The following PPP4R3B variants were observed in gnomAD, a reference collection of about 807,000 sequenced individuals.
PPP4R3B encodes the protein serine/threonine-protein phosphatase 4 regulatory subunit 3B.
PPP4R3B carries 52 observed loss-of-function variants against 95.4 expected under a neutral mutation model. The ratio of observed to expected loss-of-function variants is 0.54; its 90% CI spans 0.44 to 0.69. The LOEUF (loss-of-function observed/expected upper bound fraction) is 0.69, where lower values mean the gene tolerates loss of function less well. Among genes scored for constraint, PPP4R3B ranks in the 30% least tolerant of loss-of-function variants. The probability of loss-of-function intolerance (pLI) is 0.00; values close to 1 mark genes in which losing one functional copy is unlikely to be tolerated. For missense variants in PPP4R3B, 1,003 were observed against 1,005.9 expected (o/e 1.00, Z 0.04); for synonymous variants, 407 against 343.9 (o/e 1.18, Z -2.03).
chr2:55,605,319 T>C (rs1350524463), intron 2 of PPP4R3B, among the ~76,000 whole-genome samples: 1 of 152,186 alleles, frequency 6.6e-6, no homozygotes, highest in African/African-American at 2.4e-5. Context: ...ACTTGTTCAT[T>C]TAAGTAGTAC....
At chr2:55,579,322 A>G (rs1418850406) in intron 9 of PPP4R3B, among the ~76,000 whole-genome samples, 2 of 152,116 alleles carry the variant, frequency 1.3e-5, no homozygotes, top group Non-Finnish European at 2.9e-5. Context: ...CATTCTAGAT[A>G]TCGCACAAAT....
At chr2:55,589,725 C>T (rs971465780) in intron 4 of PPP4R3B, among the ~76,000 whole-genome samples, 14 of 150,988 alleles carry the variant, frequency 9.3e-5, no homozygotes, top group Non-Finnish European at 1.8e-4. Context: ...ACCACCCTGG[C>T]TAACATGGTA....
intron 15 of PPP4R3B, among the ~76,000 whole-genome samples, chr2:55,563,924 T>C (rs376071886): frequency 2.4e-4 from 37 of 152,318 alleles, no homozygotes; most frequent in African/African-American, 8.4e-4. Context: ...AGTTACTTGT[T>C]TGAGCTCAGT....
chr2:55,600,857 A>C (rs558117239), intron 3 of PPP4R3B, among the ~76,000 whole-genome samples: 1 of 152,146 alleles, frequency 6.6e-6, no homozygotes, highest in African/African-American at 2.4e-5. Flanking sequence ...AGGAAAATTC[A>C]GTATTAACAT....
At chr2:55,573,559 T>A in intron 12 of PPP4R3B, 60 bp downstream of exon 12, 1 of 1,419,330 alleles carries the variant, frequency 7.0e-7, no homozygotes, top group Non-Finnish European at 9.4e-7. Flanking sequence ...TAACTTCAAA[T>A]GGGTAACTTC....
chr2:55,596,114 T>A (rs750067383), intron 4 of PPP4R3B, among the ~76,000 whole-genome samples: 4 of 152,010 alleles, frequency 2.6e-5, no homozygotes, highest in Non-Finnish European at 5.9e-5. Context: ...TACACCCCAA[T>A]AATAACAGTA....
chr2:55,609,361 A>C (rs574250337), intron 2 of PPP4R3B, among the ~76,000 whole-genome samples: 3 of 152,206 alleles, frequency 2.0e-5, no homozygotes, highest in South Asian at 4.1e-4. Context: ...GTCTCACCCT[A>C]TCTCTATTCC....
chr2:55,576,617 G>A lies in PPP4R3B; in HGVS notation c.1606+698C>T, dbSNP rs548869895. On this transcript the variant is annotated intron_variant, in intron 11 of 16. Coordinates refer to ENST00000616407, the MANE Select transcript of PPP4R3B (RefSeq NM_001122964.3). ...ATCGGGAGGCTGAGGCAGAAGAATC[G>A]CTTGAACTCAGGAGGCGGAGCTTGC... is the stretch of plus-strand genomic sequence containing the variant. Among the ~76,000 whole-genome samples the A allele has an allele frequency of 3.3e-5, 5 of 151,538 alleles. No homozygotes were observed. The East Asian group carries it at 5.9e-4, about 18-fold the overall frequency.
At chr2:55,561,748 T>C (rs112017436) in intron 15 of PPP4R3B, among the ~76,000 whole-genome samples, 1 of 152,180 alleles carries the variant, frequency 6.6e-6, no homozygotes, top group Admixed American at 6.5e-5. Flanking sequence ...TTTCTTCCAT[T>C]TGGAATGGGA....
At chr2:55,577,213 T>C (rs1052769867) in intron 11 of PPP4R3B, 102 bp downstream of exon 11, 17 of 1,391,624 alleles carry the variant, frequency 1.2e-5, no homozygotes, top group Non-Finnish European at 9.4e-7. Flanking sequence ...TTTGTTTTTA[T>C]GCCAAAATAT....
At chr2:55,554,155 G>A (rs1024377822) in intron 16 of PPP4R3B, among the ~76,000 whole-genome samples, 1 of 152,008 alleles carries the variant, frequency 6.6e-6, no homozygotes. Flanking sequence ...ACCTCTGCCC[G>A]CTGGGCTCAA....
rs184510290 is a variant in PPP4R3B at position 55,584,066 on chromosome 2, G to A, written c.1233+985C>T. On this transcript the variant is annotated intron_variant, in intron 7 of 16. Coordinates refer to ENST00000616407, the MANE Select transcript of PPP4R3B (RefSeq NM_001122964.3). ...ACCAAAAATACACAGTTAGCCAGGC[G>A]TGGTGGCGCACAGAGGTTACAGTGA... Among the ~76,000 whole-genome samples the A allele has an allele frequency of 6.6e-4, 100 of 152,096 alleles. 1 individual carries two copies. The highest frequency in any genetic ancestry group is 2.2e-3 in the African/African-American group (91 of 41,514).
intron 2 of PPP4R3B, among the ~76,000 whole-genome samples, chr2:55,613,029 T>C (rs542014411): frequency 1.2e-4 from 18 of 152,172 alleles, no homozygotes; most frequent in African/African-American, 3.4e-4. Flanking sequence ...GAGGATCGCT[T>C]GAGCCCAGGA....
intron 15 of PPP4R3B, among the ~76,000 whole-genome samples, chr2:55,560,647 C>T (rs1338145084): frequency 6.6e-6 from 1 of 151,806 alleles, no homozygotes; most frequent in East Asian, 1.9e-4. Flanking sequence ...CGTGGTGGCA[C>T]ACACCTATAG....
At chr2:55,605,968 C>CT (rs918701668) in intron 2 of PPP4R3B, among the ~76,000 whole-genome samples, 1 of 150,650 alleles carries the variant, frequency 6.6e-6, no homozygotes, top group Non-Finnish European at 1.5e-5. Flanking sequence ...GTTTTCAAAC[C>CT]TTTTTTTAAA....
At chr2:55,553,171 T>C (rs1232393866) in intron 16 of PPP4R3B, among the ~76,000 whole-genome samples, 2 of 152,176 alleles carry the variant, frequency 1.3e-5, no homozygotes, top group Admixed American at 6.5e-5. Context: ...TTCATGACTT[T>C]AGGCAAAGTA....
At chr2:55,603,818 A>G (rs1475855453) in intron 3 of PPP4R3B, among the ~76,000 whole-genome samples, 160 bp downstream of exon 3, 1 of 152,228 alleles carries the variant, frequency 6.6e-6, no homozygotes, top group African/African-American at 2.4e-5. Flanking sequence ...AACTTAAAGT[A>G]AAATAATTTG....
At chr2:55,558,736 G>A (rs758000880) in intron 16 of PPP4R3B, 39 bp downstream of exon 16, 13 of 1,392,482 alleles carry the variant, frequency 9.3e-6, no homozygotes, top group East Asian at 2.6e-5. Context: ...TCTCACAGAC[G>A]GGAAAAGCAA....
At chr2:55,587,409 C>A (rs577453144) in intron 5 of PPP4R3B, among the ~76,000 whole-genome samples, 1 of 152,118 alleles carries the variant, frequency 6.6e-6, no homozygotes, top group East Asian at 1.9e-4. Flanking sequence ...CAGGGTGAAA[C>A]CCTGTCTCTA....
Sources: allele counts gnomAD v4.1 joint callset (sites outside exome capture counted in the v4.1 genomes callset), GRCh38; gene constraint gnomAD v4.1.1; transcripts MANE v1.5; gene names NCBI Gene and HGNC (gene_info 2026-07-23, HGNC 2026-07-21).